The following DNM3 variants were observed in gnomAD, a reference collection of about 807,000 sequenced individuals.
DNM3 encodes the protein dynamin-3.
In DNM3, 47 loss-of-function variants were observed where a neutral mutation model predicts 101.6. That is an observed-to-expected ratio of 0.46 (90% CI 0.37 to 0.59). The LOEUF (loss-of-function observed/expected upper bound fraction) is 0.59. Among genes scored for constraint, DNM3 ranks in the 20% least tolerant of loss-of-function variants. The pLI, the probability that DNM3 is intolerant of heterozygous loss-of-function variation, is 0.00. For synonymous variants in DNM3, 385 were observed against 387.9 expected (o/e 0.99, Z 0.09); for missense variants, 849 against 1,085.7 (o/e 0.78, Z 3.06).
At chr1:171,922,148 TGTGTGTGC>T (rs71817792) in intron 2 of DNM3, among the ~76,000 whole-genome samples, 30,191 of 147,336 alleles carry the variant, frequency 0.2, 3,197 homozygotes, top group South Asian at 0.27. Flanking sequence ...TGTGTGTGTG[TGTGTGTGC>T]GTATGTGTGC....
At chr1:172,365,160 TAAA>T (rs1190083543) in intron 17 of DNM3, among the ~76,000 whole-genome samples, 1 of 151,938 alleles carries the variant, frequency 6.6e-6, no homozygotes, top group African/African-American at 2.4e-5. Context: ...ATAATAATGT[TAAA>T]AAATTATTAA....
At chr1:171,868,018 T>C (rs2034925499) in intron 1 of DNM3, among the ~76,000 whole-genome samples, 1 of 152,204 alleles carries the variant, frequency 6.6e-6, no homozygotes, top group Admixed American at 6.5e-5. Context: ...GCCACTCTTA[T>C]AGGTATATAA....
rs372938884 is a variant in DNM3, at chr1:172,141,433, T to G, written c.1659+10145T>G. Among the ~76,000 whole-genome samples, 300 of 152,178 alleles carry G rather than the reference T, an allele frequency of 2.0e-3. 2 individuals carry two copies. The highest frequency in any genetic ancestry group is 6.7e-3 in the African/African-American group (278 of 41,580). On this transcript the variant is annotated intron_variant, in intron 14 of 20. Coordinates refer to ENST00000627582, the MANE Select transcript of DNM3 (RefSeq NM_015569.5). The stretch of plus-strand genomic sequence containing the variant: ...TGACGTTATTGTGATGGGTGGGCTA[T>G]TCTCCTTAGAGCAGAGTAAAGTGCA...
At chr1:172,235,224 C>T (rs1384874128) in intron 14 of DNM3, among the ~76,000 whole-genome samples, 5 of 152,188 alleles carry the variant, frequency 3.3e-5, no homozygotes, top group African/African-American at 9.7e-5. Flanking sequence ...GACATTTATG[C>T]AGCCGAAAGA....
At chr1:172,314,115 C>T (rs528120032) in intron 16 of DNM3, among the ~76,000 whole-genome samples, 11 of 152,176 alleles carry the variant, frequency 7.2e-5, no homozygotes, top group Non-Finnish European at 1.6e-4. Context: ...GGACATATAC[C>T]CAAAGGATTA....
At chr1:172,202,292 T>G (rs1230876912) in intron 14 of DNM3, among the ~76,000 whole-genome samples, 4 of 152,210 alleles carry the variant, frequency 2.6e-5, no homozygotes, top group African/African-American at 7.2e-5. Flanking sequence ...GTATAATTTC[T>G]TCTCTAAATG....
At position 171,877,092 on chromosome 1, in the gene DNM3, A is replaced by C. The variant is rs139417924; in HGVS notation, c.161+35275A>C. On this transcript the variant is annotated intron_variant, in intron 1 of 20. Coordinates refer to ENST00000627582, the MANE Select transcript of DNM3 (RefSeq NM_015569.5). ...GAAGAGTCTAGTATGAAACTGGAAA[A>C]AGTTAACAATGAAAACCTAAATCAC... 1.4e-3 allele frequency among the ~76,000 whole-genome samples: 217 copies of C among 152,290 alleles called. 1 individual carries two copies. Among genetic ancestry groups the C allele is most frequent in the African/African-American group, 5.0e-3 (208 of 41,550 alleles).
At position 172,106,418 on chromosome 1, in the gene DNM3, A is replaced by AAG. The variant is rs552110280; in HGVS notation, c.1545+13551_1545+13552dup. 2.8e-4 allele frequency among the ~76,000 whole-genome samples: 43 copies of AAG among 152,128 alleles called. No individual in the cohort carries two copies. The East Asian group carries it at 8.3e-3, about 29-fold the overall frequency. On this transcript the variant is annotated intron_variant, in intron 13 of 20. Coordinates refer to ENST00000627582, the MANE Select transcript of DNM3 (RefSeq NM_015569.5). ...CCTGGGAGACAGAGCAAGACAAAGA[A>AAG]AGAGAGAGAAAGAGAGAAAGAAAGA...
At chr1:172,001,755 C>G (rs1456847077) in intron 4 of DNM3, among the ~76,000 whole-genome samples, 1 of 152,044 alleles carries the variant, frequency 6.6e-6, no homozygotes, top group Non-Finnish European at 1.5e-5. Context: ...CCAGAATTAA[C>G]TACTCAGCTG....
intron 13 of DNM3, among the ~76,000 whole-genome samples, chr1:172,094,765 GAAC>G (rs1214464862): frequency 2.0e-5 from 3 of 152,152 alleles, no homozygotes; most frequent in Admixed American, 2.0e-4. Flanking sequence ...TATAAAATGA[GAAC>G]AACAAAACAC....
chr1:172,286,656 T>C (rs2063716140), intron 15 of DNM3, among the ~76,000 whole-genome samples: 8 of 152,196 alleles, frequency 5.3e-5, no homozygotes, highest in Admixed American at 5.2e-4. Flanking sequence ...CATCTCCAAC[T>C]GCCTACTGGG....
intron 1 of DNM3, among the ~76,000 whole-genome samples, chr1:171,910,721 A>G (rs2039223330): frequency 6.6e-6 from 1 of 152,250 alleles, no homozygotes; most frequent in African/African-American, 2.4e-5. Flanking sequence ...GATGATAAGG[A>G]TAATAGCAGC....
At chr1:171,885,084 C>T (rs1571412337) in intron 1 of DNM3, among the ~76,000 whole-genome samples, 1 of 152,080 alleles carries the variant, frequency 6.6e-6, no homozygotes, top group African/African-American at 2.4e-5. Flanking sequence ...TTAGCATCCC[C>T]TCAAACTTGG....
chr1:172,284,873 A>T (rs2063636473), intron 15 of DNM3, among the ~76,000 whole-genome samples: 1 of 152,198 alleles, frequency 6.6e-6, no homozygotes, highest in African/African-American at 2.4e-5. Context: ...TTATGGTTCA[A>T]CTCAATGGAT....
intron 17 of DNM3, among the ~76,000 whole-genome samples, chr1:172,349,687 T>G (rs1447680570): frequency 6.6e-6 from 1 of 152,182 alleles, no homozygotes; most frequent in Non-Finnish European, 1.5e-5. Flanking sequence ...TTCCCAAACT[T>G]CATCCCCTGA....
At chr1:171,933,888 T>C (rs891629286) in intron 2 of DNM3, among the ~76,000 whole-genome samples, 2 of 152,200 alleles carry the variant, frequency 1.3e-5, no homozygotes, top group East Asian at 1.9e-4. Flanking sequence ...AAGGAAAATG[T>C]GGGCAGCTGT....
At chr1:171,999,111 G>A (rs2125662678) in intron 4 of DNM3, among the ~76,000 whole-genome samples, 1 of 152,190 alleles carries the variant, frequency 6.6e-6, no homozygotes, top group South Asian at 2.1e-4. Flanking sequence ...TGTGGCTGCT[G>A]TGAGAAGAAA....
intron 10 of DNM3, among the ~76,000 whole-genome samples, chr1:172,055,537 G>C (rs1005008670): frequency 4.0e-5 from 6 of 151,840 alleles, no homozygotes; most frequent in Non-Finnish European, 8.8e-5. Flanking sequence ...CTGTTGCTGT[G>C]TTATAAGATA....
chr1:172,188,803 G>A (rs1019768998), intron 14 of DNM3, among the ~76,000 whole-genome samples: 1 of 152,144 alleles, frequency 6.6e-6, no homozygotes, highest in Non-Finnish European at 1.5e-5. Context: ...TTCCAGAAAC[G>A]AATATGAGTT....
Sources: gnomAD v4.1 joint callset for allele counts (sites outside exome capture counted in the v4.1 genomes callset) on GRCh38, gnomAD v4.1.1 for gene constraint, MANE v1.5 for transcripts, NCBI Gene and HGNC (gene_info 2026-07-23, HGNC 2026-07-21) for gene names.